Variants in KIF3C observed in about 807,000 individuals in gnomAD.
The protein encoded by KIF3C is kinesin family member 3C.
Under a neutral mutation model 67.7 loss-of-function variants are expected in KIF3C, and 12 were observed. The ratio of observed to expected loss-of-function variants is 0.18; its 90% CI spans 0.11 to 0.29. The LOEUF is 0.29. Among genes scored for constraint, KIF3C ranks in the 10% least tolerant of loss-of-function variants. KIF3C has a pLI of 1.00. For synonymous variants in KIF3C, 393 were observed against 426.2 expected (o/e 0.92, Z 0.96); for missense variants, 789 against 1,059.6 (o/e 0.74, Z 3.55).
rs181068886 is a variant in KIF3C at position 25,945,961 on chromosome 2, A to C, written c.2006+5828T>G. ...CTCCGTCTCTACCAAAAATACAAAC[A>C]AATTAGCCGGGCATGGTGGTGGGTG... On this transcript the variant is annotated intron_variant, in intron 5 of 7. Transcript: ENST00000264712. 1.8e-4 allele frequency among the ~76,000 whole-genome samples: 27 copies of C among 151,810 alleles called. No individual in the cohort carries two copies. The East Asian group carries it at 4.7e-3, about 26-fold the overall frequency.
chr2:25,957,128 GC>G (rs1411918763), intron 1 of KIF3C, among the ~76,000 whole-genome samples: 3 of 152,116 alleles, frequency 2.0e-5, no homozygotes, highest in Non-Finnish European at 4.4e-5. Context: ...CATTTGTGGA[GC>G]GCTAAGTATC....
chr2:25,961,697 C>G (rs2149236987), intron 1 of KIF3C, among the ~76,000 whole-genome samples: 1 of 152,284 alleles, frequency 6.6e-6, no homozygotes, highest in Non-Finnish European at 1.5e-5. Context: ...ACATTGTACC[C>G]TCATATAAAA....
intron 5 of KIF3C, among the ~76,000 whole-genome samples, chr2:25,939,182 G>A (rs1019947774): frequency 2.0e-5 from 3 of 152,158 alleles, no homozygotes; most frequent in Non-Finnish European, 4.4e-5. Context: ...TGGCCAGGCT[G>A]GTCTCGAACT....
chr2:25,980,648 C>T lies in KIF3C; in HGVS notation c.1270G>A (p.Gly424Ser). The T allele has an allele frequency of 2.5e-6, 4 of 1,614,014 alleles. No individual in the cohort carries two copies. The highest frequency in any genetic ancestry group is 3.4e-6 in the Non-Finnish European group (4 of 1,180,034). The part of the protein sequence containing the change: ...AVSAPPGYPE[G>S]PVIEAWVAEE... ...GCCACCCAGGCCTCAATCACTGGGC[C>T]CTCAGGGTACCCAGGCGGGGCGGAC... The change falls in exon 1 of 8, where the codon GGC becomes AGC. Residue 424 changes from glycine (G) to serine (S), a missense_variant. Gly to Ser is a moderately conservative substitution (Grantham distance 56). This residue lies in a region of KIF3C where 648 missense variants were observed against 807.8 expected (regional missense o/e 0.80). Transcript: ENST00000264712. This position sits in a 1 kb window ranked among gnomAD's most constrained non-coding sequence, Gnocchi z 7.6.
intron 1 of KIF3C, among the ~76,000 whole-genome samples, chr2:25,971,048 G>A (rs535253542): frequency 1.7e-3 from 264 of 151,914 alleles, no homozygotes; most frequent in Non-Finnish European, 3.1e-3. Flanking sequence ...CGAGGCGGGC[G>A]GATCACAAGG....
chr2:25,940,650 C>CTTTTTTTTTTTTTTTT lies in KIF3C; in HGVS notation c.2007-10603_2007-10588dup, dbSNP rs70950139. Among the ~76,000 whole-genome samples, 2 of 74,172 alleles carry CTTTTTTTTTTTTTTTT rather than the reference C, an allele frequency of 2.7e-5. 1 individual carries two copies. Among genetic ancestry groups the CTTTTTTTTTTTTTTTT allele is most frequent in the Non-Finnish European group, 4.8e-5 (2 of 41,570 alleles). The allele number at this position is 74,172 out of a possible 152,430, so 48.7% of individuals were successfully genotyped here. On this transcript the variant is annotated intron_variant, in intron 5 of 7. Transcript: ENST00000264712. ...AGCAGGGGCTAGAATTCAGAATGTT[C>CTTTTTTTTTTTTTTTT]TTTTTTTTTTTTTTTTTTTTTTTTG...
Position 25,942,738 on chromosome 2 carries a change from T to G in KIF3C, c.2006+9051A>C, listed in dbSNP as rs180730465. ...AATGTTTTTTAAAGTAACTTTAATA[T>G]TATACAAGATTATGACTGTGGAAGG... On this transcript the variant is annotated intron_variant, in intron 5 of 7. Transcript: ENST00000264712. Among the ~76,000 whole-genome samples, 6 of 152,322 alleles carry G rather than the reference T, an allele frequency of 3.9e-5. No individual in the cohort carries two copies. The East Asian group carries it at 1.2e-3, about 29-fold the overall frequency.
At chr2:25,934,297 G>C (rs1007618985) in intron 5 of KIF3C, 1 of 406,726 alleles carries the variant, frequency 2.5e-6, no homozygotes, top group Admixed American at 3.0e-5. Flanking sequence ...TCTGGAATTA[G>C]GCTGGGCGTG....
chr2:25,930,952 C>A (rs1453715287), intron 5 of KIF3C, among the ~76,000 whole-genome samples: 2 of 152,074 alleles, frequency 1.3e-5, no homozygotes, highest in Admixed American at 6.6e-5. Flanking sequence ...TCCCAAAGAT[C>A]TGAGATTATA....
At chr2:25,975,087 A>G (rs1401024351) in intron 1 of KIF3C, among the ~76,000 whole-genome samples, 1 of 150,420 alleles carries the variant, frequency 6.6e-6, no homozygotes, top group East Asian at 1.9e-4. Context: ...TCTAAACTCC[A>G]CTGGCCCAAC....
chr2:25,960,990 G>A (rs1574491068), intron 1 of KIF3C, among the ~76,000 whole-genome samples: 1 of 152,232 alleles, frequency 6.6e-6, no homozygotes, highest in African/African-American at 2.4e-5. Context: ...GCCTAGGCCT[G>A]CCTGGCTCCA....
rs62129480 is a variant in KIF3C at position 25,928,435 on chromosome 2, C to T, written c.*543G>A. On this transcript the variant is annotated 3_prime_UTR_variant, in exon 8 of 8. Coordinates refer to ENST00000264712, the MANE Select transcript of KIF3C (RefSeq NM_002254.8). ...AGAGGCTGAATGAGGTTGTCTGAGG[C>T]TCAGAAAGTGGAGAGTGGGGCTGTG... The T allele has an allele frequency of 6.6e-6, 1 of 152,604 alleles. No individual in the cohort carries two copies. Among genetic ancestry groups the T allele is most frequent in the Non-Finnish European group, 1.5e-5 (1 of 68,468 alleles). The allele number at this position is 152,604 out of a possible 1,614,324, so 9.5% of individuals were successfully genotyped here. A position where few individuals can be genotyped will look rare whatever the true frequency, so the allele number is the denominator to read the frequency against.
At chr2:25,938,761 G>C (rs142667508) in intron 5 of KIF3C, among the ~76,000 whole-genome samples, 4 of 152,018 alleles carry the variant, frequency 2.6e-5, no homozygotes, top group Non-Finnish European at 5.9e-5. Context: ...CTGGGTCTGC[G>C]TTTATGCACC....
intron 7 of KIF3C, 111 bp downstream of exon 7, chr2:25,929,194 T>C: frequency 1.4e-6 from 2 of 1,417,476 alleles, no homozygotes; most frequent in East Asian, 2.3e-5. Flanking sequence ...CAGTCACCCC[T>C]TGCCCTTCCT....
chr2:25,936,858 AGAAAG>A (rs1663144397), intron 5 of KIF3C, among the ~76,000 whole-genome samples: 1 of 152,228 alleles, frequency 6.6e-6, no homozygotes, highest in South Asian at 2.1e-4. Flanking sequence ...AACAGAAAAA[AGAAAG>A]GAAAGAAAAC....
chr2:25,935,970 C>T (rs1663105107), intron 5 of KIF3C, among the ~76,000 whole-genome samples: 1 of 151,766 alleles, frequency 6.6e-6, no homozygotes, highest in Admixed American at 6.6e-5. Context: ...ACCTGTAGTC[C>T]CAGCTACTCG....
chr2:25,929,093 C>G (rs773532295), intron 7 of KIF3C, 22 bp from the exon 8 acceptor site: 4 of 1,600,170 alleles, frequency 2.5e-6, no homozygotes, highest in Non-Finnish European at 3.4e-6. Flanking sequence ...ATGACGCAGG[C>G]GAAAGGGGAG....
At chr2:25,957,771 C>G (rs766746023) in intron 1 of KIF3C, among the ~76,000 whole-genome samples, 5 of 152,190 alleles carry the variant, frequency 3.3e-5, no homozygotes, top group African/African-American at 1.2e-4. Flanking sequence ...CTTTGTCACC[C>G]AAAGACGCTG....
At chr2:25,937,912 G>A (rs377455986) in intron 5 of KIF3C, among the ~76,000 whole-genome samples, 45 of 151,670 alleles carry the variant, frequency 3.0e-4, no homozygotes, top group African/African-American at 6.3e-4. Flanking sequence ...AAAATTAGCT[G>A]GGTGTGGTAG....
Sources: gnomAD v4.1 joint callset for allele counts (sites outside exome capture counted in the v4.1 genomes callset) on GRCh38, gnomAD v4.1.1 for gene constraint, gnomAD v4.1.1 regional missense constraint, Gnocchi (gnomAD v3.1) non-coding constraint, MANE v1.5 for transcripts, NCBI Gene and HGNC (gene_info 2026-07-23, HGNC 2026-07-21) for gene names.